Variants in ELAPOR2 observed in about 807,000 individuals in gnomAD.
The protein encoded by ELAPOR2 is endosome/lysosome-associated apoptosis and autophagy regulator family member 2.
A neutral mutation model predicts 120.7 loss-of-function variants in ELAPOR2; 89 were observed. That is an observed-to-expected ratio of 0.74 (90% confidence interval 0.62 to 0.88). The LOEUF is 0.88. Ranked by LOEUF, ELAPOR2 falls within the 40% of genes least tolerant of loss-of-function variation. The pLI is 0.00. For synonymous variants in ELAPOR2, 444 were observed against 444.9 expected (o/e 1.00, Z 0.03); for missense variants, 1,134 against 1,251.6 (o/e 0.91, Z 1.42).
At chr7:86,885,386 T>C (rs569607391) in intron 21 of ELAPOR2, among the ~76,000 whole-genome samples, 12 of 152,226 alleles carry the variant, frequency 7.9e-5, no homozygotes, top group Admixed American at 7.2e-4. Context: ...CCAAAAACAT[T>C]GAAAGCATTG....
chr7:86,916,246 G>T (rs1388696901), intron 12 of ELAPOR2, among the ~76,000 whole-genome samples: 1 of 152,118 alleles, frequency 6.6e-6, no homozygotes, highest in Non-Finnish European at 1.5e-5. Flanking sequence ...TTTTTCAAAG[G>T]GTTTTAGAAG....
intron 2 of ELAPOR2, among the ~76,000 whole-genome samples, chr7:86,964,231 A>T (rs1216382499): frequency 6.9e-6 from 1 of 145,740 alleles, no homozygotes; most frequent in Non-Finnish European, 1.5e-5. Context: ...TGCTGCAGGA[A>T]CCCCTAACTC....
rs1347847223 is a variant in ELAPOR2, at chr7:87,059,423, G to C, written c.91C>G (p.Pro31Ala). 3 of 1,236,990 alleles carry C rather than the reference G, an allele frequency of 2.4e-6. No homozygotes were observed. In the African/African-American group the frequency reaches 4.7e-5, roughly 19 times the overall value. The allele number at this position is 1,236,990 out of a possible 1,614,324, so 76.6% of individuals were successfully genotyped here. ...AGCGCCCAGCAGCAAATCCAGGCGGGGCTCCAGGGCGGCGAGCGCCCGCGG... is the reference window on the plus strand; with the variant it reads ...AGCGCCCAGCAGCAAATCCAGGCGGCGCTCCAGGGCGGCGAGCGCCCGCGG... Reference protein sequence around the residue: ...PRRGRSPPWSPAWICCWALAG... With the variant: ...PRRGRSPPWSAAWICCWALAG... Residue 31 changes from proline to alanine, a missense_variant, in exon 1 of 22, where the codon CCC becomes GCC. Around this residue, in one of 3 missense-constraint regions of ELAPOR2, gnomAD observed 280 missense variants for 331.5 expected, o/e 0.84. Transcript: ENST00000450689.
chr7:86,881,676 T>C (rs1799412386), intron 21 of ELAPOR2, among the ~76,000 whole-genome samples: 1 of 152,146 alleles, frequency 6.6e-6, no homozygotes, highest in South Asian at 2.1e-4. Context: ...TATATTTCTT[T>C]GTAGAGACAA....
intron 21 of ELAPOR2, among the ~76,000 whole-genome samples, chr7:86,883,673 G>T (rs991385441): frequency 3.9e-5 from 6 of 152,144 alleles, no homozygotes; most frequent in African/African-American, 1.4e-4. Flanking sequence ...ACATTTATAT[G>T]AAGTTCTATA....
intron 18 of ELAPOR2, among the ~76,000 whole-genome samples, chr7:86,906,335 T>C (rs1417714274): frequency 1.3e-5 from 2 of 152,082 alleles, no homozygotes; most frequent in Admixed American, 6.6e-5. Context: ...CCTTTTATTA[T>C]TATTAGGTAC....
chr7:86,906,115 T>C (rs759966626), intron 18 of ELAPOR2, among the ~76,000 whole-genome samples: 6 of 152,142 alleles, frequency 3.9e-5, no homozygotes, highest in Admixed American at 6.6e-5. Flanking sequence ...GACTACAGGT[T>C]AATTGTTAGG....
At chr7:87,046,470 A>G (rs927018991) in intron 1 of ELAPOR2, among the ~76,000 whole-genome samples, 3 of 152,190 alleles carry the variant, frequency 2.0e-5, no homozygotes, top group South Asian at 2.1e-4. Context: ...TGAAACCACA[A>G]AAGACCCCGA....
chr7:86,936,754 A>G (rs1790578637), intron 8 of ELAPOR2, among the ~76,000 whole-genome samples: 1 of 152,090 alleles, frequency 6.6e-6, no homozygotes, highest in Non-Finnish European at 1.5e-5. Context: ...ACGGTCTTGC[A>G]TCCATTAGGC....
chr7:86,916,938 G>A (rs1003182201), intron 12 of ELAPOR2, among the ~76,000 whole-genome samples: 2 of 148,914 alleles, frequency 1.3e-5, no homozygotes, highest in Admixed American at 1.3e-4. Flanking sequence ...AAAGGCATGC[G>A]CCATTGTGGC....
intron 1 of ELAPOR2, among the ~76,000 whole-genome samples, chr7:87,008,762 T>G (rs1191307810): frequency 6.6e-6 from 1 of 152,100 alleles, no homozygotes; most frequent in African/African-American, 2.4e-5. Flanking sequence ...CTCAAATAGT[T>G]CAAACAATGA....
intron 1 of ELAPOR2, among the ~76,000 whole-genome samples, chr7:86,974,227 G>A (rs557808750): frequency 4.6e-5 from 7 of 152,084 alleles, no homozygotes; most frequent in South Asian, 2.1e-4. Context: ...CTAAAAGGGC[G>A]TCTTTGCTTT....
intron 1 of ELAPOR2, among the ~76,000 whole-genome samples, chr7:87,001,265 A>G (rs1344429658): frequency 1.3e-5 from 2 of 152,132 alleles, no homozygotes; most frequent in African/African-American, 4.8e-5. Flanking sequence ...GGATAAGCCA[A>G]AAGTACTGTG....
At chr7:86,918,754 G>C (rs968810536) in intron 11 of ELAPOR2, among the ~76,000 whole-genome samples, 1 of 152,118 alleles carries the variant, frequency 6.6e-6, no homozygotes, top group African/African-American at 2.4e-5. Context: ...TAATATGCTT[G>C]AACCTCTTGC....
chr7:86,968,878 G>C (rs148117446), intron 1 of ELAPOR2, among the ~76,000 whole-genome samples: 1 of 152,162 alleles, frequency 6.6e-6, no homozygotes, highest in Non-Finnish European at 1.5e-5. Flanking sequence ...CCAACTCAAA[G>C]GATGGCAGTT....
chr7:86,985,071 A>C (rs1170864357), intron 1 of ELAPOR2, among the ~76,000 whole-genome samples: 1 of 152,166 alleles, frequency 6.6e-6, no homozygotes, highest in East Asian at 1.9e-4. Context: ...ACACAAAAAA[A>C]CTAGAAAATC....
intron 20 of ELAPOR2, among the ~76,000 whole-genome samples, chr7:86,892,653 C>T (rs1788220379): frequency 6.6e-6 from 1 of 152,046 alleles, no homozygotes; most frequent in African/African-American, 2.4e-5. Context: ...CTATCATCTA[C>T]CTGAATAACA....
chr7:86,890,098 G>A (rs1417094004), intron 21 of ELAPOR2, among the ~76,000 whole-genome samples: 1 of 151,748 alleles, frequency 6.6e-6, no homozygotes, highest in African/African-American at 2.4e-5. Context: ...CATGGAGTGG[G>A]GAAATAAAGG....
rs185268051 is a variant in ELAPOR2 at position 87,041,596 on chromosome 7, G to A, written c.189+17729C>T. On this transcript the variant is annotated intron_variant, in intron 1 of 21. Coordinates refer to ENST00000450689, the MANE Select transcript of ELAPOR2 (RefSeq NM_001142749.3). ...TGTAACCACCAGGCCTGCCCTAAAA[G>A]AGCTCCTGAAGGAAGCACTAAATAT... is the stretch of plus-strand genomic sequence containing the variant. 8.1e-3 allele frequency among the ~76,000 whole-genome samples: 1,231 copies of A among 151,896 alleles called. 17 individuals are homozygous for A. The highest frequency in any genetic ancestry group is 7.9e-3 in the Non-Finnish European group (537 of 67,972).
Sources: gnomAD v4.1 joint callset for allele counts (sites outside exome capture counted in the v4.1 genomes callset) on GRCh38, gnomAD v4.1.1 for gene constraint, gnomAD v4.1.1 regional missense constraint, MANE v1.5 for transcripts, NCBI Gene and HGNC (gene_info 2026-07-23, HGNC 2026-07-21) for gene names.